The following TAMM41 variants were observed in gnomAD, a reference collection of about 807,000 sequenced individuals.
TAMM41 encodes TAM41 mitochondrial translocator assembly and maintenance homolog, also known as phosphatidate cytidylyltransferase, mitochondrial.
A neutral mutation model predicts 44.1 loss-of-function variants in TAMM41; 36 were observed. The observed-to-expected ratio is 0.82, with a 90% CI of 0.63 to 1.08. The LOEUF (loss-of-function observed/expected upper bound fraction) is 1.08, where lower values mean the gene tolerates loss of function less well. Among genes scored for constraint, TAMM41 ranks in the 50% least tolerant of loss-of-function variants. TAMM41 has a pLI of 0.00. For synonymous variants in TAMM41, 164 were observed against 153.1 expected (o/e 1.07, Z -0.53); for missense variants, 417 against 404.3 (o/e 1.03, Z -0.27).
the TAMM41 span, among the ~76,000 whole-genome samples, chr3:11,778,603 G>GT: frequency 6.6e-6 from 1 of 151,896 alleles, no homozygotes; most frequent in African/African-American, 2.4e-5. Context: ...AATAACACTT[G>GT]TTTTTTTGTC....
the TAMM41 span, among the ~76,000 whole-genome samples, chr3:11,783,056 C>T: frequency 2.6e-5 from 4 of 152,288 alleles, no homozygotes; most frequent in East Asian, 1.9e-4. Context: ...TCAGCAACCC[C>T]GAGGGTGCTG....
intron 4 of TAMM41, 89 bp from the exon 5 acceptor site, chr3:11,817,426 G>A: frequency 7.5e-7 from 1 of 1,336,652 alleles, no homozygotes; most frequent in Non-Finnish European, 1.0e-6. Flanking sequence ...ATACCGCACG[G>A]GTTCACTCTG....
At chr3:11,843,262 C>T (rs1409317152) in intron 2 of TAMM41, among the ~76,000 whole-genome samples, 1 of 152,162 alleles carries the variant, frequency 6.6e-6, no homozygotes, top group Non-Finnish European at 1.5e-5. Flanking sequence ...GGTTCTAGAC[C>T]AGCAGCTTCA....
chr3:11,787,351 A>G (rs4684082), downstream of TAMM41, among the ~76,000 whole-genome samples: 72,197 of 151,976 alleles, frequency 0.48, 17,786 homozygotes, highest in East Asian at 0.76. Flanking sequence ...TACAGGGAGC[A>G]TCTCCAGCAA....
At chr3:11,805,033 G>T (rs71304009) in intron 7 of TAMM41, among the ~76,000 whole-genome samples, 1 of 119,058 alleles carries the variant, frequency 8.4e-6, no homozygotes, top group Non-Finnish European at 1.7e-5. Context: ...TTGAGACGAA[G>T]TCTCACTCTC....
At chr3:11,726,632 G>A in the TAMM41 span, among the ~76,000 whole-genome samples, 6 of 152,030 alleles carry the variant, frequency 3.9e-5, no homozygotes, top group Admixed American at 1.3e-4. Flanking sequence ...GTGAAACCCC[G>A]TCTCTACTAA....
the TAMM41 span, among the ~76,000 whole-genome samples, chr3:11,781,961 T>C: frequency 8.5e-5 from 13 of 152,208 alleles, no homozygotes; most frequent in Non-Finnish European, 1.6e-4. Flanking sequence ...ATGTAGCTCA[T>C]TCTAGGAAGG....
chr3:11,805,053 A>G (rs6762717), intron 7 of TAMM41, among the ~76,000 whole-genome samples: 80,657 of 141,844 alleles, frequency 0.57, 24,239 homozygotes, highest in East Asian at 0.78. Flanking sequence ...CGCCCAGGCC[A>G]GAGGCAGTGG....
At position 11,846,530 on chromosome 3, in the gene TAMM41, C is replaced by A. The variant is rs539517679; in HGVS notation, c.107G>T (p.Arg36Leu). The part of the protein sequence containing the change: ...LAFVYGSGVY[R>L]QAGPSSDQKN... ...CTGGTCTGAACTCGGCCCTGCCTGG[C>A]GGTACACCCCGGAGCCGTAGACGAA... The change falls in exon 1 of 8, where the codon CGC (arginine) becomes CTC (leucine). Residue 36 changes from arginine to leucine, a missense_variant. Physicochemically the swap from Arg to Leu is moderately radical, Grantham distance 102 (BLOSUM62 -2). Transcript: ENST00000455809. The A allele has an allele frequency of 2.5e-6, 4 of 1,614,200 alleles. No homozygotes were observed. The African/African-American group carries it at 4.0e-5, about 16-fold the overall frequency.
the TAMM41 span, among the ~76,000 whole-genome samples, chr3:11,747,872 TA>T: frequency 4.3e-4 from 17 of 39,574 alleles, no homozygotes; most frequent in South Asian, 7.9e-3. Context: ...ATTTACTATT[TA>T]TTTATTTATT....
the TAMM41 span, among the ~76,000 whole-genome samples, chr3:11,759,972 CT>C: frequency 1.3e-5 from 1 of 78,414 alleles, no homozygotes. Flanking sequence ...GAAACTCCAT[CT>C]CAAAAAAAAA....
At chr3:11,767,651 A>T in the TAMM41 span, among the ~76,000 whole-genome samples, 2 of 9,320 alleles carry the variant, frequency 2.1e-4, no homozygotes, top group African/African-American at 7.5e-4. Flanking sequence ...TTTGAGACAG[A>T]GTCTTGCTCT....
At chr3:11,781,149 C>A in the TAMM41 span, among the ~76,000 whole-genome samples, 3 of 152,180 alleles carry the variant, frequency 2.0e-5, no homozygotes, top group Non-Finnish European at 2.9e-5. Flanking sequence ...CACGTCCTGT[C>A]ATCCTCTTCT....
intron 4 of TAMM41, among the ~76,000 whole-genome samples, chr3:11,826,260 G>A (rs180777717): frequency 3.9e-5 from 6 of 152,284 alleles, no homozygotes; most frequent in African/African-American, 9.6e-5. Flanking sequence ...GCAGCCAGGC[G>A]CAGTGGCCCA....
intron 4 of TAMM41, among the ~76,000 whole-genome samples, chr3:11,825,983 C>T (rs1346321894): frequency 1.3e-5 from 2 of 152,090 alleles, no homozygotes; most frequent in Non-Finnish European, 2.9e-5. Context: ...AACATAATTC[C>T]ACTTTGGAGA....
In TAMM41 at chr3:11,813,991, TACACACAC is replaced by T. The variant is rs35804902; in HGVS notation, c.708+3193_708+3200del. On this transcript the variant is annotated intron_variant, in intron 5 of 7. Transcript: ENST00000455809. Reference sequence around the variant, plus strand: ...ACACACATACACACACACCTGTGTATACACACACACACACACACACACACACACATAAA... The same window carrying T: ...ACACACATACACACACACCTGTGTATACACACACACACACACACACATAAA... Among the ~76,000 whole-genome samples the T allele has an allele frequency of 4.5e-3, 659 of 145,942 alleles. 3 individuals are homozygous for T. Among genetic ancestry groups the T allele is most frequent in the Middle Eastern group, 0.024 (7 of 288 alleles).
chr3:11,743,543 G>T, the TAMM41 span, among the ~76,000 whole-genome samples: 1 of 151,980 alleles, frequency 6.6e-6, no homozygotes, highest in Non-Finnish European at 1.5e-5. Context: ...ATGTTGGCCA[G>T]GCTGGTCTCG....
the TAMM41 span, among the ~76,000 whole-genome samples, chr3:11,763,608 A>G: frequency 6.6e-6 from 1 of 152,230 alleles, no homozygotes; most frequent in South Asian, 2.1e-4. Context: ...GGTTATCTAT[A>G]AGCAGCCTCC....
chr3:11,807,970 T>G, intron 6 of TAMM41, 75 bp from the exon 7 acceptor site: 1 of 1,454,372 alleles, frequency 6.9e-7, no homozygotes, highest in South Asian at 1.5e-5. Flanking sequence ...TTTTAAAACT[T>G]GAAACTAAAT....
Sources: gnomAD v4.1 joint callset for allele counts (sites outside exome capture counted in the v4.1 genomes callset) on GRCh38, gnomAD v4.1.1 for gene constraint, MANE v1.5 for transcripts, NCBI Gene and HGNC (gene_info 2026-07-23, HGNC 2026-07-21) for gene names.